The following RPS6KC1 variants were observed in gnomAD, a reference collection of about 807,000 sequenced individuals.
RPS6KC1 encodes the protein ribosomal protein S6 kinase C1.
RPS6KC1 carries 54 observed loss-of-function variants against 103.8 expected under a neutral mutation model. That is an observed-to-expected ratio of 0.52 (90% CI 0.42 to 0.65). RPS6KC1 has a LOEUF of 0.65. RPS6KC1 is among the 30% of genes least tolerant of loss of function. The pLI is 0.00. For synonymous variants in RPS6KC1, 439 were observed against 438.7 expected (o/e 1.00, Z -0.01); for missense variants, 1,151 against 1,253.8 (o/e 0.92, Z 1.24).
At chr1:213,443,809 T>G in the RPS6KC1 span, among the ~76,000 whole-genome samples, 7 of 151,958 alleles carry the variant, frequency 4.6e-5, no homozygotes, top group African/African-American at 1.7e-4. Context: ...TCCCAGCTAC[T>G]GGGGAGGCTG....
At chr1:213,488,912 G>A in the RPS6KC1 span, among the ~76,000 whole-genome samples, 2 of 152,332 alleles carry the variant, frequency 1.3e-5, no homozygotes, top group East Asian at 1.9e-4. Flanking sequence ...TAACACTGGA[G>A]TGTATCTTTT....
the RPS6KC1 span, among the ~76,000 whole-genome samples, chr1:213,357,338 T>A: frequency 4.6e-5 from 7 of 152,086 alleles, no homozygotes; most frequent in African/African-American, 1.7e-4. Flanking sequence ...TTTTCTCAGA[T>A]CCCTCAGCCT....
At chr1:213,626,147 T>C in the RPS6KC1 span, among the ~76,000 whole-genome samples, 1 of 152,222 alleles carries the variant, frequency 6.6e-6, no homozygotes, top group East Asian at 1.9e-4. Context: ...TGGTATCTCA[T>C]TGTGTTTTTG....
the RPS6KC1 span, among the ~76,000 whole-genome samples, chr1:213,631,890 A>C: frequency 6.6e-6 from 1 of 152,196 alleles, no homozygotes; most frequent in Admixed American, 6.5e-5. Context: ...TAGAAACTTT[A>C]ACACATGCAC....
At chr1:213,770,644 C>T in the RPS6KC1 span, among the ~76,000 whole-genome samples, 2 of 152,124 alleles carry the variant, frequency 1.3e-5, no homozygotes. Flanking sequence ...TAATTGGCAA[C>T]CAGTAGGGTT....
chr1:213,222,039 C>G (rs891235804), intron 8 of RPS6KC1, among the ~76,000 whole-genome samples: 5 of 152,332 alleles, frequency 3.3e-5, no homozygotes, highest in African/African-American at 9.6e-5. Context: ...TGATTCTTGA[C>G]TCTGCCGTTC....
the RPS6KC1 span, among the ~76,000 whole-genome samples, chr1:213,714,520 C>T: frequency 7.0e-6 from 1 of 143,168 alleles, no homozygotes; most frequent in Non-Finnish European, 1.5e-5. Flanking sequence ...CATTTCTGAC[C>T]TTTCTCTGTC....
At chr1:213,841,125 A>C in the RPS6KC1 span, 4 of 152,218 alleles carry the variant, frequency 2.6e-5, no homozygotes, top group East Asian at 7.7e-4. Flanking sequence ...TAATGATCTG[A>C]GTATGTACAT....
the RPS6KC1 span, among the ~76,000 whole-genome samples, chr1:213,826,332 A>G: frequency 6.6e-6 from 1 of 152,226 alleles, no homozygotes; most frequent in African/African-American, 2.4e-5. Flanking sequence ...TCACTAAATT[A>G]TATCACTATA....
At chr1:213,221,856 A>G (rs2093840890) in intron 8 of RPS6KC1, among the ~76,000 whole-genome samples, 1 of 152,172 alleles carries the variant, frequency 6.6e-6, no homozygotes, top group African/African-American at 2.4e-5. Context: ...GAATTATGGC[A>G]TTTTGGATTT....
chr1:213,347,730 G>T, the RPS6KC1 span, among the ~76,000 whole-genome samples: 1 of 151,998 alleles, frequency 6.6e-6, no homozygotes. Flanking sequence ...AAAATGTATG[G>T]GTAATTAGAG....
At chr1:213,710,343 C>CT in the RPS6KC1 span, among the ~76,000 whole-genome samples, 1,696 of 151,942 alleles carry the variant, frequency 0.011, 31 homozygotes, top group African/African-American at 0.037. Flanking sequence ...GCAGCCCCTG[C>CT]TTTTTTTTGC....
the RPS6KC1 span, among the ~76,000 whole-genome samples, chr1:213,770,095 A>G: frequency 6.6e-6 from 1 of 152,146 alleles, no homozygotes; most frequent in Non-Finnish European, 1.5e-5. Flanking sequence ...GGTAAGATTC[A>G]CTTTGAACAC....
chr1:213,339,003 C>G, the RPS6KC1 span, among the ~76,000 whole-genome samples: 3 of 152,122 alleles, frequency 2.0e-5, no homozygotes, highest in African/African-American at 7.2e-5. Flanking sequence ...GTGGCTCATG[C>G]CTGTAATCTC....
At chr1:213,583,846 GAAAAAAAAA>G in the RPS6KC1 span, among the ~76,000 whole-genome samples, 2,803 of 137,874 alleles carry the variant, frequency 0.02, 111 homozygotes, top group African/African-American at 0.072. Flanking sequence ...AAAGAAAAAA[GAAAAAAAAA>G]GAAAAAAAAG....
chr1:213,208,570 C>G (rs970221018), intron 8 of RPS6KC1, among the ~76,000 whole-genome samples: 13 of 152,138 alleles, frequency 8.5e-5, no homozygotes, highest in Admixed American at 2.0e-4. Context: ...ATATCAGTAT[C>G]TGCATGTTTT....
At chr1:213,093,029 T>C (rs1176848745) in intron 3 of RPS6KC1, among the ~76,000 whole-genome samples, 2 of 152,328 alleles carry the variant, frequency 1.3e-5, no homozygotes, top group Non-Finnish European at 2.9e-5. Flanking sequence ...ATGGATTATC[T>C]TAAACTTTTC....
chr1:213,628,362 C>G, the RPS6KC1 span, among the ~76,000 whole-genome samples: 1 of 151,980 alleles, frequency 6.6e-6, no homozygotes, highest in African/African-American at 2.4e-5. Flanking sequence ...TTGATCTTTT[C>G]AAAAAACCAG....
At chr1:213,748,390 A>G in the RPS6KC1 span, among the ~76,000 whole-genome samples, 1 of 152,230 alleles carries the variant, frequency 6.6e-6, no homozygotes, top group East Asian at 1.9e-4. Flanking sequence ...AATGAGGTCT[A>G]CTGGACATTA....
Sources: allele counts gnomAD v4.1 joint callset (sites outside exome capture counted in the v4.1 genomes callset), GRCh38; gene constraint gnomAD v4.1.1; transcripts MANE v1.5; gene names NCBI Gene and HGNC (gene_info 2026-07-23, HGNC 2026-07-21).